The following DISP1 variants were observed in gnomAD, a reference collection of about 807,000 sequenced individuals.
The protein encoded by DISP1 is dispatched RND transporter family member 1.
Under a neutral mutation model 37.3 loss-of-function variants are expected in DISP1, and 30 were observed. That is an observed-to-expected ratio of 0.80 (90% CI 0.60 to 1.09). The LOEUF (loss-of-function observed/expected upper bound fraction) is 1.09, where lower values mean the gene tolerates loss of function less well. Among genes scored for constraint, DISP1 ranks in the 50% least tolerant of loss-of-function variants. The pLI is 0.00. For missense variants in DISP1, 1,598 were observed against 1,879.5 expected (o/e 0.85, Z 2.77); for synonymous variants, 634 against 690.2 (o/e 0.92, Z 1.28).
At chr1:222,819,620 A>G (rs1051677206) in intron 1 of DISP1, among the ~76,000 whole-genome samples, 5 of 150,632 alleles carry the variant, frequency 3.3e-5, no homozygotes, top group Non-Finnish European at 7.4e-5. Flanking sequence ...GCTCACTGCA[A>G]GCTCCGCCTC....
At chr1:222,860,113 A>G (rs781530611) in intron 1 of DISP1, among the ~76,000 whole-genome samples, 4 of 152,160 alleles carry the variant, frequency 2.6e-5, no homozygotes, top group Admixed American at 1.3e-4. Context: ...CTGGAGTGCA[A>G]TGGCACGATC....
intron 1 of DISP1, among the ~76,000 whole-genome samples, chr1:222,846,152 T>A (rs1476725476): frequency 6.6e-6 from 1 of 152,182 alleles, no homozygotes; most frequent in Non-Finnish European, 1.5e-5. Flanking sequence ...TTTGAAAATG[T>A]TTGCACAGAG....
At chr1:222,975,304 G>A (rs925729546) in intron 3 of DISP1, among the ~76,000 whole-genome samples, 10 of 152,098 alleles carry the variant, frequency 6.6e-5, no homozygotes, top group African/African-American at 2.4e-4. Flanking sequence ...ACATTTGCAG[G>A]CGTGAGTTAC....
chr1:222,836,185 A>G (rs553894112), intron 1 of DISP1, among the ~76,000 whole-genome samples: 14 of 152,246 alleles, frequency 9.2e-5, no homozygotes, highest in Admixed American at 5.2e-4. Flanking sequence ...GCCTTAAATT[A>G]TTTTACTCTC....
At chr1:222,867,572 T>A (rs891976393) in intron 1 of DISP1, among the ~76,000 whole-genome samples, 1 of 152,180 alleles carries the variant, frequency 6.6e-6, no homozygotes, top group Non-Finnish European at 1.5e-5. Context: ...TGTTAAACAG[T>A]ATATTATCAT....
chr1:222,911,153 G>A (rs1198833651), intron 1 of DISP1, among the ~76,000 whole-genome samples: 1 of 152,154 alleles, frequency 6.6e-6, no homozygotes, highest in Non-Finnish European at 1.5e-5. Context: ...ATTAGCTTAG[G>A]TAATTTGAAA....
At chr1:222,899,829 C>T (rs1418717091) in intron 1 of DISP1, 1 of 152,232 alleles carries the variant, frequency 6.6e-6, no homozygotes, top group African/African-American at 2.4e-5. Context: ...CTCAAGCCAT[C>T]TACCTGCCTC....
At chr1:222,859,580 A>G (rs1322017787) in intron 1 of DISP1, among the ~76,000 whole-genome samples, 1 of 152,276 alleles carries the variant, frequency 6.6e-6, no homozygotes, top group Non-Finnish European at 1.5e-5. Flanking sequence ...GGGATCATTC[A>G]AAGAATAAAT....
Position 222,880,133 on chromosome 1 carries a change from C to G in DISP1, c.-158-48297C>G, listed in dbSNP as rs552383406. 5.3e-5 allele frequency among the ~76,000 whole-genome samples: 8 copies of G among 152,160 alleles called. 1 individual carries two copies. Among genetic ancestry groups the G allele is most frequent in the African/African-American group, 1.9e-4 (8 of 41,516 alleles). ...AATGTTTACATAAATTATGAGATATCTGTACCCATTACAATTTACACTTAT... is the reference window on the plus strand; with the variant it reads ...AATGTTTACATAAATTATGAGATATGTGTACCCATTACAATTTACACTTAT... On this transcript the variant is annotated intron_variant, in intron 1 of 8. Transcript: ENST00000675850.
At chr1:222,947,474 A>T (rs1674879455) in intron 3 of DISP1, among the ~76,000 whole-genome samples, 1 of 152,162 alleles carries the variant, frequency 6.6e-6, no homozygotes, top group Non-Finnish European at 1.5e-5. Flanking sequence ...GGACACTTCG[A>T]TCTTTCAGGT....
At chr1:222,855,910 A>AG (rs900932610) in intron 1 of DISP1, among the ~76,000 whole-genome samples, 1 of 151,962 alleles carries the variant, frequency 6.6e-6, no homozygotes, top group Non-Finnish European at 1.5e-5. Context: ...TTCAAAAAAA[A>AG]AAAAAAATGC....
At chr1:222,976,986 TTGCTTTCATAG>T (rs1440117369) in intron 3 of DISP1, among the ~76,000 whole-genome samples, 1 of 152,200 alleles carries the variant, frequency 6.6e-6, no homozygotes, top group Non-Finnish European at 1.5e-5. Context: ...AAAAACACAT[TTGCTTTCATAG>T]CTCATTAATA....
At chr1:222,933,819 T>A (rs1477876595) in intron 2 of DISP1, among the ~76,000 whole-genome samples, 4 of 152,012 alleles carry the variant, frequency 2.6e-5, no homozygotes, top group African/African-American at 7.2e-5. Flanking sequence ...TTATATTTCT[T>A]TATTTAAGAC....
intron 1 of DISP1, among the ~76,000 whole-genome samples, chr1:222,882,306 C>T (rs759393889): frequency 8.5e-5 from 13 of 152,098 alleles, no homozygotes; most frequent in Non-Finnish European, 1.9e-4. Flanking sequence ...TATCGTTCAG[C>T]CTCTCAAATT....
At chr1:222,940,824 G>C (rs1357339992) in intron 2 of DISP1, among the ~76,000 whole-genome samples, 1 of 152,174 alleles carries the variant, frequency 6.6e-6, no homozygotes, top group Non-Finnish European at 1.5e-5. Context: ...GCGTGTGCCT[G>C]CAGTGATTTC....
chr1:222,860,603 A>G (rs1668823054), intron 1 of DISP1, among the ~76,000 whole-genome samples: 1 of 151,976 alleles, frequency 6.6e-6, no homozygotes, highest in South Asian at 2.1e-4. Context: ...AGTGATTGCT[A>G]GGGCCGGGTG....
In DISP1 at chr1:223,002,420, G is replaced by T; in HGVS notation, c.1023G>T (p.Gln341His). The T allele has an allele frequency of 6.2e-7, 1 of 1,614,108 alleles. No individual in the cohort carries two copies. The highest frequency in any genetic ancestry group is 1.3e-5 in the African/African-American group (1 of 75,022). The change falls in exon 9 of 9, where the codon CAG becomes CAT. Residue 341 changes from glutamine to histidine, a missense_variant. Coordinates refer to ENST00000675850, the MANE Select transcript of DISP1 (RefSeq NM_001377229.1). ...ATCCCCAGTTTGGTGATCTCTGCCA[G>T]AGGACCACTGCTGCCTCCTGCTGCC... ...RSHPQFGDLCQRTTAASCCPS... is the reference protein window; with the variant it reads ...RSHPQFGDLCHRTTAASCCPS...
At chr1:222,894,971 A>G (rs1671163540) in intron 1 of DISP1, among the ~76,000 whole-genome samples, 1 of 152,206 alleles carries the variant, frequency 6.6e-6, no homozygotes, top group African/African-American at 2.4e-5. Flanking sequence ...GATTTGACCC[A>G]AAGGCTGGGA....
chr1:222,971,443 C>G (rs1676951206), intron 3 of DISP1, among the ~76,000 whole-genome samples: 1 of 149,308 alleles, frequency 6.7e-6, no homozygotes, highest in Non-Finnish European at 1.5e-5. Context: ...TGACTTTTAA[C>G]CTTCCAAACT....
Sources: gnomAD v4.1 joint callset for allele counts (sites outside exome capture counted in the v4.1 genomes callset) on GRCh38, gnomAD v4.1.1 for gene constraint, MANE v1.5 for transcripts, NCBI Gene and HGNC (gene_info 2026-07-23, HGNC 2026-07-21) for gene names.